Variants in EIF2A observed in about 807,000 individuals in gnomAD.
The protein encoded by EIF2A is eukaryotic translation initiation factor 2A.
Under a neutral mutation model 75.2 loss-of-function variants are expected in EIF2A, and 62 were observed. That is an observed-to-expected ratio of 0.82 (90% CI 0.67 to 1.02). EIF2A has a LOEUF of 1.02. EIF2A is among the 50% of genes least tolerant of loss of function. The pLI is 0.00. For synonymous variants in EIF2A, 207 were observed against 239.0 expected (o/e 0.87, Z 1.23); for missense variants, 611 against 677.7 (o/e 0.90, Z 1.09).
chr3:150,554,716 G>A (rs559922375), intron 2 of EIF2A, among the ~76,000 whole-genome samples: 215 of 152,270 alleles, frequency 1.4e-3, no homozygotes, highest in African/African-American at 4.5e-3. Flanking sequence ...TTTGATGACT[G>A]TTAATGGGGA....
intron 11 of EIF2A, among the ~76,000 whole-genome samples, chr3:150,578,458 C>T (rs1035553125): frequency 6.6e-6 from 1 of 150,996 alleles, no homozygotes; most frequent in Admixed American, 6.6e-5. Flanking sequence ...ATTTGTAACT[C>T]TGTTATAAAT....
chr3:150,549,222 CTTT>C (rs11341363), intron 1 of EIF2A, among the ~76,000 whole-genome samples: 25 of 136,510 alleles, frequency 1.8e-4, no homozygotes, highest in Non-Finnish European at 2.0e-4. Context: ...TTCTTTCTTT[CTTT>C]TTTTTTTTTT....
In EIF2A at chr3:150,579,476, G is replaced by A. The variant is rs938362924; in HGVS notation, c.1498-2142G>A. 1.4e-4 allele frequency among the ~76,000 whole-genome samples: 22 copies of A among 152,220 alleles called. No individual in the cohort carries two copies. The East Asian group carries it at 4.1e-3, about 28-fold the overall frequency. ...TGTAATCCCAGCACTTTGGGAGGCC[G>A]AGGTGGGTGGATCACCTGAGGTCTG... On this transcript the variant is annotated intron_variant, in intron 11 of 13. Coordinates refer to ENST00000460851, the MANE Select transcript of EIF2A (RefSeq NM_032025.5).
At chr3:150,567,376 G>A (rs1367614431) in intron 6 of EIF2A, 3 of 217,402 alleles carry the variant, frequency 1.4e-5, no homozygotes, top group Non-Finnish European at 2.7e-5. Context: ...TTGAAGAGAG[G>A]ATAACTGACA....
intron 11 of EIF2A, among the ~76,000 whole-genome samples, chr3:150,580,319 C>A (rs545029948): frequency 2.3e-4 from 35 of 152,178 alleles, no homozygotes; most frequent in African/African-American, 8.0e-4. Context: ...ACAGATAGTA[C>A]CGAACCCTAT....
intron 1 of EIF2A, among the ~76,000 whole-genome samples, chr3:150,549,938 A>T (rs1401114508): frequency 1.3e-5 from 2 of 152,150 alleles, no homozygotes; most frequent in African/African-American, 2.4e-5. Flanking sequence ...AGTTGGGAAA[A>T]GTATCGTATT....
Position 150,581,697 on chromosome 3 carries a change from C to T in EIF2A, c.1577C>T (p.Ser526Leu), listed in dbSNP as rs1725189228. The change falls in exon 12 of 14, where the codon TCA becomes TTA. Residue 526 changes from serine to leucine, a missense_variant. Physicochemically the swap from Ser to Leu is moderately radical, Grantham distance 145 (BLOSUM62 -2). Coordinates refer to ENST00000460851, the MANE Select transcript of EIF2A (RefSeq NM_032025.5). ...ACACCACGAAACACTGTCTCTCAGT[C>T]AATTTCTGGGGACCCTGAGATAGAC... Reference protein sequence around the residue: ...QSTPRNTVSQSISGDPEIDKK... With the variant: ...QSTPRNTVSQLISGDPEIDKK... 1.3e-6 allele frequency: 2 copies of T among 1,554,210 alleles called. No homozygotes were observed. Among genetic ancestry groups the T allele is most frequent in the Non-Finnish European group, 1.7e-6 (2 of 1,148,304 alleles).
chr3:150,577,611 G>A (rs1286090347), intron 11 of EIF2A, among the ~76,000 whole-genome samples: 1 of 151,072 alleles, frequency 6.6e-6, no homozygotes, highest in African/African-American at 2.4e-5. Flanking sequence ...TTTTGAGACC[G>A]AGTTTTGCCA....
chr3:150,548,525 C>T (rs1276043559), intron 1 of EIF2A, among the ~76,000 whole-genome samples: 1 of 152,146 alleles, frequency 6.6e-6, no homozygotes, highest in African/African-American at 2.4e-5. Flanking sequence ...AATCAGGGGT[C>T]CCCAACCCCC....
intron 1 of EIF2A, 50 bp downstream of exon 1, chr3:150,546,880 T>G: frequency 4.4e-6 from 7 of 1,606,590 alleles, no homozygotes; most frequent in Non-Finnish European, 5.9e-6. Flanking sequence ...TAGTTTCTTA[T>G]TTTTGTCTTT....
chr3:150,570,617 ATTAC>A (rs1459917543), intron 9 of EIF2A, among the ~76,000 whole-genome samples: 1 of 152,102 alleles, frequency 6.6e-6, no homozygotes, highest in Non-Finnish European at 1.5e-5. Context: ...AAGAAATAAA[ATTAC>A]TTACAGTAAA....
intron 2 of EIF2A, among the ~76,000 whole-genome samples, chr3:150,554,855 G>A (rs1217526154): frequency 2.6e-5 from 4 of 152,224 alleles, no homozygotes; most frequent in Non-Finnish European, 4.4e-5. Flanking sequence ...TCCTGAGCCA[G>A]TACAGAAATG....
At chr3:150,583,346 A>G in intron 13 of EIF2A, 81 bp downstream of exon 13, 1 of 1,348,884 alleles carries the variant, frequency 7.4e-7, no homozygotes, top group East Asian at 2.4e-5. Context: ...TTAGTCAGGT[A>G]AAAGAGCACA....
chr3:150,568,778 A>G (rs1724337890), intron 9 of EIF2A, among the ~76,000 whole-genome samples: 1 of 152,158 alleles, frequency 6.6e-6, no homozygotes, highest in Non-Finnish European at 1.5e-5. Context: ...TTAGCCAGGC[A>G]TGGTGGCGTA....
At chr3:150,566,844 T>C (rs1724208691) in intron 6 of EIF2A, 1 of 152,258 alleles carries the variant, frequency 6.6e-6, no homozygotes, top group African/African-American at 2.4e-5. Flanking sequence ...TTACTGATTG[T>C]ACAGTTTTGA....
intron 12 of EIF2A, among the ~76,000 whole-genome samples, chr3:150,582,446 C>T (rs576434851): frequency 1.3e-5 from 2 of 152,026 alleles, no homozygotes; most frequent in African/African-American, 2.4e-5. Context: ...TCCCGAGTAG[C>T]TGGGACTACA....
intron 1 of EIF2A, among the ~76,000 whole-genome samples, chr3:150,548,558 A>G (rs1559872269): frequency 6.6e-6 from 1 of 152,198 alleles, no homozygotes; most frequent in Non-Finnish European, 1.5e-5. Context: ...GTACTGGGCA[A>G]GCATTACCAC....
intron 1 of EIF2A, among the ~76,000 whole-genome samples, chr3:150,548,159 T>C (rs1203554396): frequency 6.6e-6 from 1 of 152,214 alleles, no homozygotes; most frequent in Admixed American, 6.5e-5. Flanking sequence ...GCTCCATCAA[T>C]ACTGAACTGC....
At chr3:150,567,134 GCT>G (rs1724229034) in intron 6 of EIF2A, 1 of 152,036 alleles carries the variant, frequency 6.6e-6, no homozygotes, top group African/African-American at 2.4e-5. Context: ...AAGTATATTA[GCT>G]CTTGATCTAA....
Sources: gnomAD v4.1 joint callset for allele counts (sites outside exome capture counted in the v4.1 genomes callset) on GRCh38, gnomAD v4.1.1 for gene constraint, MANE v1.5 for transcripts, NCBI Gene and HGNC (gene_info 2026-07-23, HGNC 2026-07-21) for gene names.